Variants in SEPTIN9 observed in about 807,000 individuals in gnomAD.
The protein encoded by SEPTIN9 is septin 9.
A neutral mutation model predicts 56.6 loss-of-function variants in SEPTIN9; 13 were observed. The observed-to-expected ratio is 0.23, with a 90% CI of 0.15 to 0.37. SEPTIN9 has a LOEUF of 0.37. Ranked by LOEUF, SEPTIN9 falls within the 10% of genes least tolerant of loss-of-function variation. The probability of loss-of-function intolerance (pLI) is 1.00; values close to 1 mark genes in which losing one functional copy is unlikely to be tolerated. For missense variants in SEPTIN9, 650 were observed against 823.1 expected, an observed-to-expected ratio of 0.79 and a Z score of 2.57; for synonymous variants, 332 against 334.1, an observed-to-expected ratio of 0.99 and a Z score of 0.07.
At chr17:77,315,647 T>C (rs1247709717) in intron 2 of SEPTIN9, among the ~76,000 whole-genome samples, 1 of 152,194 alleles carries the variant, frequency 6.6e-6, no homozygotes, top group Non-Finnish European at 1.5e-5. Flanking sequence ...GTTGAGTGAG[T>C]GTGACACTTC....
chr17:77,456,119 C>G lies in SEPTIN9; in HGVS notation c.722-26025C>G, dbSNP rs559457138. Among the ~76,000 whole-genome samples the G allele has an allele frequency of 6.3e-4, 94 of 150,250 alleles. No homozygotes were observed. The highest frequency in any genetic ancestry group is 1.1e-3 in the Non-Finnish European group (77 of 67,544). On this transcript the variant is annotated intron_variant, in intron 3 of 11. Transcript: ENST00000427177. This position sits in a 1 kb window ranked among gnomAD's most constrained non-coding sequence, Gnocchi z 6.0. Reference sequence around the variant, plus strand: ...CCCGTGGCCGGTGTCATCTGCCAGCCCTGAAGACTAATGATGGGCTGGACA... The same window carrying G: ...CCCGTGGCCGGTGTCATCTGCCAGCGCTGAAGACTAATGATGGGCTGGACA...
chr17:77,420,172 C>A lies in SEPTIN9; in HGVS notation c.721+17469C>A, dbSNP rs1204860615. 3.9e-5 allele frequency among the ~76,000 whole-genome samples: 6 copies of A among 152,318 alleles called. No homozygotes were observed. In the South Asian group the frequency reaches 1.0e-3, roughly 26 times the overall value. ...GCGACAGCCTGGTCAGGCTGCAGGG[C>A]AGGACTGGAATGCAGACCCCTGCTT... On this transcript the variant is annotated intron_variant, in intron 3 of 11. Coordinates refer to ENST00000427177, the MANE Select transcript of SEPTIN9 (RefSeq NM_001113491.2).
Position 77,405,779 on chromosome 17 carries a change from C to A in SEPTIN9, c.721+3076C>A, listed in dbSNP as rs2036047636. ...CCTCCCTCTCTGTGTCACGACCGTTCTGGACACGGATCCAGTTCTCTCCAA... is the reference window on the plus strand; with the variant it reads ...CCTCCCTCTCTGTGTCACGACCGTTATGGACACGGATCCAGTTCTCTCCAA... On this transcript the variant is annotated intron_variant, in intron 3 of 11. Coordinates refer to ENST00000427177, the MANE Select transcript of SEPTIN9 (RefSeq NM_001113491.2). The surrounding 1 kb of genome is among the most constrained non-coding windows in gnomAD (Gnocchi z 5.8). Among the ~76,000 whole-genome samples the A allele has an allele frequency of 6.6e-6, 1 of 152,212 alleles. No individual in the cohort carries two copies. Among genetic ancestry groups the A allele is most frequent in the African/African-American group, 2.4e-5 (1 of 41,450 alleles).
chr17:77,299,982 C>T (rs1334977922), intron 1 of SEPTIN9, among the ~76,000 whole-genome samples: 2 of 152,266 alleles, frequency 1.3e-5, no homozygotes, highest in African/African-American at 4.8e-5. Flanking sequence ...AGTGTGCTGC[C>T]TCCTTTGGTT....
intron 2 of SEPTIN9, among the ~76,000 whole-genome samples, chr17:77,359,716 G>C (rs1163356652): frequency 6.6e-6 from 1 of 152,004 alleles, no homozygotes; most frequent in African/African-American, 2.4e-5. Flanking sequence ...GGATCGCTTG[G>C]GCCTAGGAGT....
chr17:77,486,200 T>C (rs555168329), intron 4 of SEPTIN9, among the ~76,000 whole-genome samples: 8 of 152,276 alleles, frequency 5.3e-5, no homozygotes, highest in African/African-American at 1.9e-4. Flanking sequence ...ACTCCTGGGC[T>C]TGAGCAATTC....
chr17:77,393,363 G>A (rs1253859559), intron 2 of SEPTIN9, among the ~76,000 whole-genome samples: 1 of 152,100 alleles, frequency 6.6e-6, no homozygotes, highest in Non-Finnish European at 1.5e-5. Context: ...CGAGGGCTTG[G>A]GCACTAGGAA....
intron 2 of SEPTIN9, among the ~76,000 whole-genome samples, chr17:77,388,314 C>G (rs954888956): frequency 4.6e-5 from 7 of 152,154 alleles, no homozygotes; most frequent in Non-Finnish European, 1.5e-5. Context: ...CTGCCTCTCT[C>G]TGGTTACCCC....
chr17:77,347,054 A>C (rs2143786192), intron 2 of SEPTIN9, among the ~76,000 whole-genome samples: 1 of 152,286 alleles, frequency 6.6e-6, no homozygotes, highest in East Asian at 1.9e-4. Flanking sequence ...TTGTTTTAAC[A>C]TCCTGAATGA....
chr17:77,295,308 G>A (rs1440133480), intron 1 of SEPTIN9, among the ~76,000 whole-genome samples: 1 of 152,138 alleles, frequency 6.6e-6, no homozygotes, highest in Non-Finnish European at 1.5e-5. Flanking sequence ...TGGCAGCAGG[G>A]TGCCACCACC....
At chr17:77,370,110 C>A (rs1262326576) in intron 2 of SEPTIN9, among the ~76,000 whole-genome samples, 2 of 152,220 alleles carry the variant, frequency 1.3e-5, no homozygotes, top group Non-Finnish European at 2.9e-5. Context: ...AGGCATGATG[C>A]AGATGGGAAT....
chr17:77,466,049 G>T (rs1419278355), intron 3 of SEPTIN9, among the ~76,000 whole-genome samples: 3 of 122,704 alleles, frequency 2.4e-5, no homozygotes, highest in Non-Finnish European at 5.0e-5. Flanking sequence ...CATGTTTCTG[G>T]ACTGTCACAC....
intron 2 of SEPTIN9, among the ~76,000 whole-genome samples, chr17:77,366,269 T>C (rs936020510): frequency 6.6e-6 from 1 of 152,134 alleles, no homozygotes; most frequent in Non-Finnish European, 1.5e-5. Flanking sequence ...ATTTTTGTAC[T>C]CCAGTCTCAG....
intron 3 of SEPTIN9, chr17:77,419,673 T>G (rs1469618919): frequency 1.4e-5 from 2 of 141,028 alleles, no homozygotes; most frequent in African/African-American, 6.2e-5. Flanking sequence ...CCTTAGGCCG[T>G]GCCGGCACCT....
At chr17:77,494,257 TG>T (rs559393443) in intron 10 of SEPTIN9, among the ~76,000 whole-genome samples, 6 of 152,204 alleles carry the variant, frequency 3.9e-5, no homozygotes, top group Non-Finnish European at 7.4e-5. Context: ...TGGGAGCCCC[TG>T]GGGGGCCACA....
chr17:77,469,768 C>A (rs2038898311), intron 3 of SEPTIN9: 1 of 151,116 alleles, frequency 6.6e-6, no homozygotes, highest in African/African-American at 2.4e-5. Flanking sequence ...CATCTTACCA[C>A]CCACCCACCC....
At chr17:77,399,315 A>G (rs898905547) in intron 2 of SEPTIN9, among the ~76,000 whole-genome samples, 1 of 152,114 alleles carries the variant, frequency 6.6e-6, no homozygotes, top group African/African-American at 2.4e-5. Context: ...CTTGGGTTGG[A>G]CCTGGGACAA....
rs190370756 is a variant in SEPTIN9, at chr17:77,383,440, G to A, written c.77-18619G>A. Among the ~76,000 whole-genome samples, 206 of 151,924 alleles carry A rather than the reference G, an allele frequency of 1.4e-3. 1 individual carries two copies. The highest frequency in any genetic ancestry group is 3.4e-3 in the Middle Eastern group (1 of 294). On this transcript the variant is annotated intron_variant, in intron 2 of 11. Transcript: ENST00000427177. ...GCTCCAGCGCTGGAAGGCCGGCCCG[G>A]GTCCTCCCAGTCCGCACCTGCATCC... is the stretch of plus-strand genomic sequence containing the variant.
intron 3 of SEPTIN9, among the ~76,000 whole-genome samples, chr17:77,466,101 CACACACGA>C (rs1475971464): frequency 9.0e-5 from 12 of 133,866 alleles, no homozygotes; most frequent in African/African-American, 3.1e-4. Flanking sequence ...CACACACACA[CACACACGA>C]GTAAACTGTA....
Sources: gnomAD v4.1 joint callset for allele counts (sites outside exome capture counted in the v4.1 genomes callset) on GRCh38, gnomAD v4.1.1 for gene constraint, Gnocchi (gnomAD v3.1) non-coding constraint, MANE v1.5 for transcripts, NCBI Gene and HGNC (gene_info 2026-07-23, HGNC 2026-07-21) for gene names.